The following SCLY variants were observed in gnomAD, a reference collection of about 807,000 sequenced individuals.
The protein encoded by SCLY is selenocysteine lyase.
SCLY carries 38 observed loss-of-function variants against 50.1 expected under a neutral mutation model. That is an observed-to-expected ratio of 0.76 (90% CI 0.59 to 0.99). The LOEUF is 0.99. Ranked by LOEUF, SCLY falls within the 50% of genes least tolerant of loss-of-function variation. The pLI is 0.00. For missense variants in SCLY, 600 were observed against 620.0 expected (o/e 0.97, Z 0.34); for synonymous variants, 243 against 249.4 (o/e 0.97, Z 0.24).
At chr2:238,091,548 A>C in intron 8 of SCLY, 7 of 327,498 alleles carry the variant, frequency 2.1e-5, no homozygotes, top group East Asian at 1.2e-4. Context: ...CTGCAGGTTC[A>C]CCATTCCCAA....
intron 6 of SCLY, chr2:238,082,827 C>T: frequency 3.4e-6 from 1 of 291,698 alleles, no homozygotes; most frequent in Non-Finnish European, 6.9e-6. Context: ...CTCCAGAGTT[C>T]TGCATTGTGT....
At chr2:238,097,330 G>T (rs1041997365) in intron 11 of SCLY, among the ~76,000 whole-genome samples, 1 of 152,128 alleles carries the variant, frequency 6.6e-6, no homozygotes, top group African/African-American at 2.4e-5. Context: ...CCGGGTGAGC[G>T]GGTGGGCTGC....
chr2:238,061,204 G>T, intron 1 of SCLY, 61 bp downstream of exon 1: 1 of 1,302,720 alleles, frequency 7.7e-7, no homozygotes, highest in South Asian at 1.3e-5. Context: ...TGTCCCGCGC[G>T]GGAGGACGAA....
In SCLY at chr2:238,083,431, G is replaced by C. The variant is rs1576671888; in HGVS notation, c.884+77G>C. On this transcript the variant is annotated intron_variant, in intron 7 of 11. Transcript: ENST00000254663. This position sits in a 1 kb window ranked among gnomAD's most constrained non-coding sequence, Gnocchi z 4.3. ...GAGCAGTGACATTGTAAAGAAACAT[G>C]GCGCTGTTTCTTGGTCTCGTGGAGG... is the stretch of plus-strand genomic sequence containing the variant. 9.0e-7 allele frequency: 1 copy of C among 1,115,252 alleles called. No individual in the cohort carries two copies. 69.1% of individuals were successfully genotyped at this position (1,115,252 alleles called of 1,614,324 possible).
chr2:238,094,151 G>C (rs1574716559), intron 9 of SCLY: 1 of 620,066 alleles, frequency 1.6e-6, no homozygotes, highest in East Asian at 2.7e-5. Flanking sequence ...TAGGCCAGGG[G>C]CATGATCTTT....
chr2:238,077,904 G>T (rs1033877402), intron 4 of SCLY, among the ~76,000 whole-genome samples: 1 of 151,642 alleles, frequency 6.6e-6, no homozygotes. Flanking sequence ...GGTTAACTAG[G>T]CCCAGCCCAA....
rs770914612 is a variant in SCLY, at chr2:238,098,191, G to A, written c.1185-11G>A. ...TCAGCAGCAGCTGCAGCTCGGTCTC[G>A]CCCTCCCCAGGCCGTCCCCAGTGCT... On this transcript the variant is annotated splice_polypyrimidine_tract_variant and intron_variant, in intron 11 of 11. Transcript: ENST00000254663. 2.6e-5 allele frequency: 41 copies of A among 1,607,692 alleles called. No homozygotes were observed. Among genetic ancestry groups the A allele is most frequent in the African/African-American group, 8.0e-5 (6 of 74,834 alleles).
At position 238,094,505 on chromosome 2, in the gene SCLY, G is replaced by A. The variant is rs369266894; in HGVS notation, c.1091G>A (p.Arg364Gln). The part of the protein sequence containing the change: ...RLPNTCNFSI[R>Q]GPRLQGHVVL... ...CCCAATACCTGTAACTTTTCCATCC[G>A]GGGACCCCGGCTTCAAGGTGATGGC... is the stretch of plus-strand genomic sequence containing the variant. Residue 364 changes from arginine (R) to glutamine (Q), a missense_variant, in exon 10 of 12, where the codon CGG becomes CAG. Coordinates refer to ENST00000254663, the MANE Select transcript of SCLY (RefSeq NM_016510.7). 6.8e-6 allele frequency: 11 copies of A among 1,613,898 alleles called. No homozygotes were observed. The highest frequency in any genetic ancestry group is 5.3e-5 in the African/African-American group (4 of 74,922).
chr2:238,091,560 G>T, intron 8 of SCLY: 29 of 313,344 alleles, frequency 9.3e-5, no homozygotes, highest in South Asian at 3.2e-4. Context: ...CATTCCCAAA[G>T]GCGTCGGCAG....
Position 238,081,899 on chromosome 2 carries a change from T to C in SCLY, c.612+63T>C, listed in dbSNP as rs1238664447. 5.0e-6 allele frequency: 8 copies of C among 1,589,996 alleles called. No individual in the cohort carries two copies. The Admixed American group carries it at 8.5e-5, about 17-fold the overall frequency. ...GGGGAAGAACAGCAGCTTAGACTCA[T>C]GGCGTTTCAGGTTTCCCAGCTCTGG... On this transcript the variant is annotated intron_variant, in intron 5 of 11. Coordinates refer to ENST00000254663, the MANE Select transcript of SCLY (RefSeq NM_016510.7).
In SCLY at chr2:238,098,453, G is replaced by A. The variant is rs1691289398; in HGVS notation, c.*98G>A. 1 of 1,316,938 alleles carries A rather than the reference G, an allele frequency of 7.6e-7. No homozygotes were observed. The highest frequency in any genetic ancestry group is 1.5e-5 in the South Asian group (1 of 68,498). The allele number at this position is 1,316,938 out of a possible 1,614,324, so 81.6% of individuals were successfully genotyped here. On this transcript the variant is annotated 3_prime_UTR_variant, in exon 12 of 12. Transcript: ENST00000254663. ...TCCTGAGGGCTGTGCCAGGATGACT[G>A]TCTCATGCCCCCTCTGCATTTTGTC...
At position 238,093,868 on chromosome 2, in the gene SCLY, A is replaced by C; in HGVS notation, c.929A>C (p.Glu310Ala). Residue 310 changes from glutamate (E) to alanine (A), a missense_variant, in exon 9 of 12, where the codon GAG becomes GCG. Glu to Ala is a moderately radical substitution (Grantham distance 107). Coordinates refer to ENST00000254663, the MANE Select transcript of SCLY (RefSeq NM_016510.7). ...PMIAGLGKAA[E>A]LVTQNCEAYE... ...TTGTGTGTCTGCCCCCAGGCCGCGG[A>C]GCTGGTGACCCAGAACTGCGAGGCT... 6.2e-7 allele frequency: 1 copy of C among 1,613,782 alleles called. No individual in the cohort carries two copies. The highest frequency in any genetic ancestry group is 8.5e-7 in the Non-Finnish European group (1 of 1,179,944).
intron 6 of SCLY, among the ~76,000 whole-genome samples, chr2:238,082,455 G>A (rs759494134): frequency 1.3e-5 from 2 of 152,190 alleles, no homozygotes; most frequent in Non-Finnish European, 2.9e-5. Context: ...GGGTGGGGGC[G>A]GTAGACCAAG....
At position 238,069,792 on chromosome 2, in the gene SCLY, G is replaced by C. The variant is rs1245010411; in HGVS notation, c.484+315G>C. The stretch of plus-strand genomic sequence containing the variant: ...TGTAGAACTAGCCATTTGTATAACT[G>C]AGTGATATTTGAAACTTGCATGTAA... On this transcript the variant is annotated intron_variant, in intron 4 of 11. Coordinates refer to ENST00000254663, the MANE Select transcript of SCLY (RefSeq NM_016510.7). The surrounding 1 kb of genome is among the most constrained non-coding windows in gnomAD (Gnocchi z 5.0). The C allele has an allele frequency of 3.8e-6, 1 of 261,850 alleles. No homozygotes were observed. The highest frequency in any genetic ancestry group is 2.2e-5 in the African/African-American group (1 of 45,344). The allele number at this position is 261,850 out of a possible 1,614,324, so 16.2% of individuals were successfully genotyped here. A position where few individuals can be genotyped will look rare whatever the true frequency, so the allele number is the denominator to read the frequency against.
chr2:238,071,516 GAGA>G, intron 4 of SCLY, among the ~76,000 whole-genome samples: 1 of 152,244 alleles, frequency 6.6e-6, no homozygotes, highest in South Asian at 2.1e-4. Flanking sequence ...GGCTAAGGAG[GAGA>G]AGAATCACTT....
At chr2:238,097,438 G>A (rs1331370349) in intron 11 of SCLY, among the ~76,000 whole-genome samples, 1 of 152,166 alleles carries the variant, frequency 6.6e-6, no homozygotes, top group Non-Finnish European at 1.5e-5. Flanking sequence ...CTGAAAACGT[G>A]AGGCCCCTGT....
At chr2:238,071,930 G>A (rs61332937) in intron 4 of SCLY, among the ~76,000 whole-genome samples, 47,657 of 151,914 alleles carry the variant, frequency 0.31, 9,279 homozygotes, top group Admixed American at 0.43. Flanking sequence ...AGTTTTTAGT[G>A]TGCTCACCAG....
Position 238,061,157 on chromosome 2 carries a change from G to GC in SCLY, c.89+14_89+15insC. ...CTCGCCGGAGAGGTGCGCGCCTTTA[G>GC]GGCAGGGCTGGGGAGCGGCCGGCGC... On this transcript the variant is annotated intron_variant, in intron 1 of 11. Coordinates refer to ENST00000254663, the MANE Select transcript of SCLY (RefSeq NM_016510.7). The GC allele has an allele frequency of 6.7e-7, 1 of 1,492,264 alleles. No homozygotes were observed. Among genetic ancestry groups the GC allele is most frequent in the Admixed American group, 2.1e-5 (1 of 48,264 alleles). 92.4% of individuals were successfully genotyped at this position (1,492,264 alleles called of 1,614,324 possible).
In SCLY at chr2:238,069,489, C is replaced by T. The variant is rs2065106762; in HGVS notation, c.484+12C>T. ...AGAACAAGTGGCAGGTGAGTGAGTGCAGGGTGGCCCTGGGACCAGCCTGCT... is the reference window on the plus strand; with the variant it reads ...AGAACAAGTGGCAGGTGAGTGAGTGTAGGGTGGCCCTGGGACCAGCCTGCT... On this transcript the variant is annotated intron_variant, in intron 4 of 11. Transcript: ENST00000254663. The surrounding 1 kb of genome is among the most constrained non-coding windows in gnomAD (Gnocchi z 5.0). The T allele has an allele frequency of 6.3e-7, 1 of 1,597,350 alleles. No homozygotes were observed.
Sources: allele counts gnomAD v4.1 joint callset (sites outside exome capture counted in the v4.1 genomes callset), GRCh38; gene constraint gnomAD v4.1.1; non-coding constraint Gnocchi (gnomAD v3.1); transcripts MANE v1.5; gene names NCBI Gene and HGNC (gene_info 2026-07-23, HGNC 2026-07-21).